Variants in SLC2A7 observed in about 807,000 individuals in gnomAD.
SLC2A7 encodes the protein solute carrier family 2, facilitated glucose transporter member 7.
In SLC2A7, 50 loss-of-function variants were observed where a neutral mutation model predicts 50.5. The ratio of observed to expected loss-of-function variants is 0.99; its 90% CI spans 0.79 to 1.25. SLC2A7 has a LOEUF of 1.25. Ranked by LOEUF, SLC2A7 falls within the 50% of genes most tolerant of loss-of-function variation. SLC2A7 has a pLI of 0.00. For missense variants in SLC2A7, 683 were observed against 679.1 expected, an observed-to-expected ratio of 1.01 and a Z score of -0.06; for synonymous variants, 308 against 300.4, an observed-to-expected ratio of 1.03 and a Z score of -0.26.
In SLC2A7 at chr1:9,019,342, A is replaced by T. The variant is rs780445488; in HGVS notation, c.312-9T>A. On this transcript the variant is annotated splice_polypyrimidine_tract_variant and intron_variant, in intron 3 of 11. Coordinates refer to ENST00000400906, the MANE Select transcript of SLC2A7 (RefSeq NM_207420.3). ...TCAGCAGGGTCCCCTTTCTGCAAAG[A>T]CAGTGAGCCCAGAGGGCAGGGGTGC... 13 of 1,613,616 alleles carry T rather than the reference A, an allele frequency of 8.1e-6. No individual in the cohort carries two copies. The highest frequency in any genetic ancestry group is 1.1e-5 in the Non-Finnish European group (13 of 1,179,758).
In SLC2A7 at chr1:9,019,293, G is replaced by C; in HGVS notation, c.352C>G (p.Pro118Ala). 1 of 1,614,112 alleles carries C rather than the reference G, an allele frequency of 6.2e-7. No homozygotes were observed. The highest frequency in any genetic ancestry group is 1.1e-5 in the South Asian group (1 of 91,074). ...LLINNIFAII[P>A]AILMGVSKVA... ...TTGCTGACTCCCATCAGGATGGCGG[G>C]GATGATGGCAAAGATGTTGTTGATC... Residue 118 changes from proline (P) to alanine (A), a missense_variant, in exon 4 of 12, where the codon CCC becomes GCC. Pro to Ala is a conservative substitution (Grantham distance 27). Transcript: ENST00000400906.
Position 9,003,443 on chromosome 1 carries a change from T to C in SLC2A7, c.1396A>G (p.Ile466Val), listed in dbSNP as rs1640604641. The change falls in exon 12 of 12, where the codon ATT becomes GTT. Residue 466 changes from isoleucine (I) to valine (V), a missense_variant. By Grantham distance (29) the Ile-to-Val change is conservative (BLOSUM62 3). Coordinates refer to ENST00000400906, the MANE Select transcript of SLC2A7 (RefSeq NM_207420.3). ...LLTAIYIYVV[I>V]PETKGKTFVE... The stretch of plus-strand genomic sequence containing the variant: ...AATGTTTTGCCCTTGGTCTCCGGAA[T>C]AACCACGTAGATGTAAATCGCAGTG... The C allele has an allele frequency of 6.2e-7, 1 of 1,614,100 alleles. No individual in the cohort carries two copies. The highest frequency in any genetic ancestry group is 1.3e-5 in the African/African-American group (1 of 74,936).
At chr1:8,995,085 T>G in the SLC2A7 span, among the ~76,000 whole-genome samples, 42 of 151,370 alleles carry the variant, frequency 2.8e-4, no homozygotes, top group African/African-American at 9.7e-4. Context: ...CTCCTGATTA[T>G]TTTCAAGGTC....
intron 9 of SLC2A7, 139 bp downstream of exon 9, chr1:9,010,004 C>T (rs1296639624): frequency 2.1e-5 from 15 of 716,906 alleles, no homozygotes; most frequent in Non-Finnish European, 3.1e-5. Context: ...TGGGGCATTG[C>T]AAAGTACTTT....
the SLC2A7 span, among the ~76,000 whole-genome samples, chr1:8,996,583 GT>G: frequency 6.6e-6 from 1 of 152,196 alleles, no homozygotes; most frequent in Non-Finnish European, 1.5e-5. Context: ...ACATTTAACT[GT>G]TTAGCAGGCT....
chr1:9,009,694 T>C (rs1300777392), intron 9 of SLC2A7, among the ~76,000 whole-genome samples: 2 of 152,178 alleles, frequency 1.3e-5, no homozygotes, highest in East Asian at 1.9e-4. Context: ...CTGGGCTCAA[T>C]GGGTCCTCCT....
intron 1 of SLC2A7, 55 bp downstream of exon 1, chr1:9,026,240 G>T (rs1640999056): frequency 5.1e-6 from 8 of 1,572,290 alleles, no homozygotes; most frequent in Admixed American, 3.5e-5. Flanking sequence ...CCCTCCACAG[G>T]TCTGCACAGC....
chr1:9,020,161 G>A (rs752362665), intron 3 of SLC2A7, among the ~76,000 whole-genome samples: 16 of 152,160 alleles, frequency 1.1e-4, no homozygotes, highest in Non-Finnish European at 2.2e-4. Context: ...GGAAGACTTG[G>A]GGTCAGTGGG....
At chr1:9,026,155 C>A (rs1316461763) in intron 1 of SLC2A7, 140 bp downstream of exon 1, 13 of 933,956 alleles carry the variant, frequency 1.4e-5, no homozygotes, top group Non-Finnish European at 2.0e-5. Context: ...CATGGCTCTC[C>A]CAGGCCTGGT....
At position 9,008,728 on chromosome 1, in the gene SLC2A7, C is replaced by G. The variant is rs58200270; in HGVS notation, c.1117-1343G>C. On this transcript the variant is annotated intron_variant, in intron 9 of 11. Transcript: ENST00000400906. The surrounding 1 kb of genome is among the most constrained non-coding windows in gnomAD (Gnocchi z 5.9). ...TCTCCTGCCTCAGCCTCCCGAGTAA[C>G]TGGGATTACAGGCACACGCCACCAC... Among the ~76,000 whole-genome samples the G allele has an allele frequency of 0.022, 3,347 of 151,896 alleles. 144 individuals carry two copies. Among genetic ancestry groups the G allele is most frequent in the African/African-American group, 0.077 (3,196 of 41,424 alleles).
rs574235834 is a variant in SLC2A7 at position 9,014,012 on chromosome 1, C to T, written c.904-377G>A. Among the ~76,000 whole-genome samples, 20 of 152,380 alleles carry T rather than the reference C, an allele frequency of 1.3e-4. No individual in the cohort carries two copies. The South Asian group carries it at 4.1e-3, about 32-fold the overall frequency. ...CAAGCCAACCGCAAGTTGAGTCTGT[C>T]TTCTGGCCCCATGCCAAGGACATTG... On this transcript the variant is annotated intron_variant, in intron 7 of 11. Transcript: ENST00000400906.
downstream of SLC2A7, among the ~76,000 whole-genome samples, chr1:9,001,967 G>A (rs146595019): frequency 1.3e-5 from 2 of 152,164 alleles, no homozygotes; most frequent in Admixed American, 6.5e-5. Context: ...CCCTGTGCTC[G>A]CAGAAACATG....
intron 4 of SLC2A7, among the ~76,000 whole-genome samples, chr1:9,018,632 C>T (rs1640867596): frequency 1.3e-5 from 2 of 152,348 alleles, no homozygotes; most frequent in Non-Finnish European, 2.9e-5. Context: ...CCGCTTGTTA[C>T]AGGGGAGGAG....
intron 9 of SLC2A7, 23 bp downstream of exon 9, chr1:9,010,120 G>A: frequency 6.5e-7 from 1 of 1,537,616 alleles, no homozygotes; most frequent in Non-Finnish European, 8.8e-7. Context: ...TCCCCACCCA[G>A]GGGGCAGGAA....
chr1:9,003,503 A>G lies in SLC2A7; in HGVS notation c.1336T>C (p.Tyr446His). ...FPSIQEAIGA[Y>H]SFIIFAGICL... ...ATTCCGGCAAAGATGATGAAACTGTAGGCACCGATGGCCTCCTAGACCAGG... is the reference window on the plus strand; with the variant it reads ...ATTCCGGCAAAGATGATGAAACTGTGGGCACCGATGGCCTCCTAGACCAGG... The change falls in exon 12 of 12, where the codon TAC (tyrosine) becomes CAC (histidine). Residue 446 changes from tyrosine (Y) to histidine (H), a missense_variant. By Grantham distance (83) the Tyr-to-His change is moderately conservative. Transcript: ENST00000400906. The G allele has an allele frequency of 1.2e-6, 2 of 1,614,204 alleles. No individual in the cohort carries two copies. Among genetic ancestry groups the G allele is most frequent in the Non-Finnish European group, 1.7e-6 (2 of 1,180,024 alleles).
chr1:9,017,191 T>G (rs1318257003), intron 5 of SLC2A7, among the ~76,000 whole-genome samples: 2 of 152,088 alleles, frequency 1.3e-5, no homozygotes. Context: ...GTGGTGGCGC[T>G]CGCTTGTAAT....
intron 10 of SLC2A7, among the ~76,000 whole-genome samples, chr1:9,006,273 T>C (rs186688867): frequency 3.3e-5 from 5 of 152,290 alleles, no homozygotes; most frequent in African/African-American, 1.2e-4. Context: ...CCTTTATTTT[T>C]TAGACAGAGT....
At chr1:9,003,539 G>C in intron 11 of SLC2A7, 21 bp from the exon 12 acceptor site, 1 of 1,605,814 alleles carries the variant, frequency 6.2e-7, no homozygotes. Context: ...AGACGAGAAA[G>C]ACAGGAGGGG....
intron 11 of SLC2A7, among the ~76,000 whole-genome samples, chr1:9,004,193 T>G (rs1456903259): frequency 6.6e-6 from 1 of 151,768 alleles, no homozygotes; most frequent in Non-Finnish European, 1.5e-5. Context: ...AATAGCCATG[T>G]GTGGTGGCCC....
Sources: gnomAD v4.1 joint callset for allele counts (sites outside exome capture counted in the v4.1 genomes callset) on GRCh38, gnomAD v4.1.1 for gene constraint, Gnocchi (gnomAD v3.1) non-coding constraint, MANE v1.5 for transcripts, NCBI Gene and HGNC (gene_info 2026-07-23, HGNC 2026-07-21) for gene names.